CD9: variants seen among roughly 807,000 people sequenced by gnomAD.
CD9 encodes CD9 molecule, also known as CD9 antigen.
CD9 carries 10 observed loss-of-function variants against 31.4 expected under a neutral mutation model. The observed-to-expected ratio is 0.32, with a 90% CI of 0.20 to 0.54. The LOEUF (loss-of-function observed/expected upper bound fraction) is 0.54, where lower values mean the gene tolerates loss of function less well. Ranked by LOEUF, CD9 falls within the 20% of genes least tolerant of loss-of-function variation. The pLI is 0.94. For synonymous variants in CD9, 113 were observed against 114.1 expected, an observed-to-expected ratio of 0.99 and a Z score of 0.06; for missense variants, 259 against 300.1, an observed-to-expected ratio of 0.86 and a Z score of 1.01.
At position 6,232,444 on chromosome 12, in the gene CD9, G is replaced by A; in HGVS notation, c.176-188G>A. ...AGAGTCATGCAAGAGAGGCTGGTGG[G>A]AAGGAGACCTGGGGCAGAGGTGGAA... On this transcript the variant is annotated intron_variant, in intron 2 of 7. Coordinates refer to ENST00000009180, the MANE Select transcript of CD9 (RefSeq NM_001769.4). The surrounding 1 kb of genome is among the most constrained non-coding windows in gnomAD (Gnocchi z 4.8). The A allele has an allele frequency of 1.6e-6, 1 of 630,212 alleles. No individual in the cohort carries two copies. The highest frequency in any genetic ancestry group is 1.8e-5 in the South Asian group (1 of 54,972). The allele number at this position is 630,212 out of a possible 1,614,324, so 39.0% of individuals were successfully genotyped here.
chr12:6,214,777 T>TGG (rs1284987248), intron 1 of CD9, among the ~76,000 whole-genome samples: 3 of 152,138 alleles, frequency 2.0e-5, no homozygotes, highest in Non-Finnish European at 2.9e-5. Context: ...GGGGAGGTTC[T>TGG]TACCAGGAGT....
At chr12:6,206,953 C>T (rs1946139366) in intron 1 of CD9, among the ~76,000 whole-genome samples, 1 of 151,528 alleles carries the variant, frequency 6.6e-6, no homozygotes, top group East Asian at 2.0e-4. Flanking sequence ...TATAGTGGCA[C>T]CATCATAGTT....
intron 1 of CD9, among the ~76,000 whole-genome samples, chr12:6,222,249 T>G (rs2136620257): frequency 6.6e-6 from 1 of 152,310 alleles, no homozygotes; most frequent in South Asian, 2.1e-4. Flanking sequence ...ATGGTTCACA[T>G]AGCATCCCCC....
rs142192823 is a variant in CD9, at chr12:6,215,604, G to A, written c.67-9822G>A. 6.1e-3 allele frequency among the ~76,000 whole-genome samples: 935 copies of A among 152,318 alleles called. 13 individuals are homozygous for A. The highest frequency in any genetic ancestry group is 0.022 in the African/African-American group (906 of 41,560). ...AAGAATTTCTGAAGGTTTGAGCACT[G>A]CCTTCAGACAGTGGCTCGGTAGAAG... On this transcript the variant is annotated intron_variant, in intron 1 of 7. Transcript: ENST00000009180.
In CD9 at chr12:6,233,009, C is replaced by T. The variant is rs1463654768; in HGVS notation, c.273+280C>T. The T allele has an allele frequency of 8.5e-6, 6 of 702,298 alleles. No individual in the cohort carries two copies. In the East Asian group the frequency reaches 1.3e-4, roughly 16 times the overall value. The allele number at this position is 702,298 out of a possible 1,614,324, so 43.5% of individuals were successfully genotyped here. A position where few individuals can be genotyped will look rare whatever the true frequency, so the allele number is the denominator to read the frequency against. On this transcript the variant is annotated intron_variant, in intron 3 of 7. Transcript: ENST00000009180. ...CTTTTTTTCCCTGAATCCACAGGTA[C>T]CTTTGCCTTCTCCTTCTTGTTTCAA...
At chr12:6,206,569 G>A (rs1946135120) in intron 1 of CD9, among the ~76,000 whole-genome samples, 2 of 152,132 alleles carry the variant, frequency 1.3e-5, no homozygotes, top group Non-Finnish European at 2.9e-5. Context: ...CAGATTACTT[G>A]CCTGTTTTAT....
chr12:6,201,845 T>G (rs1946081422), intron 1 of CD9, among the ~76,000 whole-genome samples: 2 of 152,070 alleles, frequency 1.3e-5, no homozygotes, highest in Admixed American at 6.5e-5. Flanking sequence ...AAGACCAGCC[T>G]GGGTAACATA....
At chr12:6,220,787 T>G (rs549225043) in intron 1 of CD9, among the ~76,000 whole-genome samples, 1 of 152,234 alleles carries the variant, frequency 6.6e-6, no homozygotes, top group South Asian at 2.1e-4. Context: ...GAGAATTCCC[T>G]CATCCTCCTC....
intron 1 of CD9, among the ~76,000 whole-genome samples, chr12:6,204,502 T>A (rs1040717533): frequency 1.3e-5 from 2 of 152,176 alleles, no homozygotes; most frequent in African/African-American, 4.8e-5. Flanking sequence ...GCCCAGCTGG[T>A]GCTTTTCTTT....
At chr12:6,206,326 G>A (rs796612716) in intron 1 of CD9, among the ~76,000 whole-genome samples, 1 of 151,704 alleles carries the variant, frequency 6.6e-6, no homozygotes, top group Admixed American at 6.6e-5. Context: ...CAGCTCAGGC[G>A]ATCCTCACAC....
intron 1 of CD9, among the ~76,000 whole-genome samples, chr12:6,210,442 A>G (rs1414517830): frequency 6.6e-6 from 1 of 152,134 alleles, no homozygotes; most frequent in Non-Finnish European, 1.5e-5. Flanking sequence ...CAGGGAGAGG[A>G]AGCACCGGCT....
chr12:6,216,666 C>T, intron 1 of CD9, among the ~76,000 whole-genome samples: 1 of 152,192 alleles, frequency 6.6e-6, no homozygotes, highest in East Asian at 1.9e-4. Flanking sequence ...CTTAGTGGAG[C>T]TCTGGATGGC....
At position 6,236,638 on chromosome 12, in the gene CD9, C is replaced by T. The variant is rs1410831306; in HGVS notation, c.621+363C>T. On this transcript the variant is annotated intron_variant, in intron 7 of 7. Coordinates refer to ENST00000009180, the MANE Select transcript of CD9 (RefSeq NM_001769.4). Reference sequence around the variant, plus strand: ...AAAGTCGTTCACTAGAGGCTACCGGCGTGGGAATTGTTCCATTTCCTGAAG... The same window carrying T: ...AAAGTCGTTCACTAGAGGCTACCGGTGTGGGAATTGTTCCATTTCCTGAAG... The T allele has an allele frequency of 2.4e-5, 10 of 420,238 alleles. No individual in the cohort carries two copies. In the South Asian group the frequency reaches 2.9e-4, roughly 12 times the overall value. 26.0% of individuals were successfully genotyped at this position (420,238 alleles called of 1,614,324 possible).
At chr12:6,219,053 T>C (rs1474860619) in intron 1 of CD9, among the ~76,000 whole-genome samples, 3 of 152,206 alleles carry the variant, frequency 2.0e-5, no homozygotes, top group Non-Finnish European at 4.4e-5. Flanking sequence ...TCACCCAGGC[T>C]GGAGTGCAGT....
In CD9 at chr12:6,232,978, C is replaced by T. The variant is rs1266279606; in HGVS notation, c.273+249C>T. 7 of 702,300 alleles carry T rather than the reference C, an allele frequency of 1.0e-5. No homozygotes were observed. Among genetic ancestry groups the T allele is most frequent in the Non-Finnish European group, 1.6e-5 (6 of 384,856 alleles). 43.5% of individuals were successfully genotyped at this position (702,300 alleles called of 1,614,324 possible). On this transcript the variant is annotated intron_variant, in intron 3 of 7. Transcript: ENST00000009180. This position sits in a 1 kb window ranked among gnomAD's most constrained non-coding sequence, Gnocchi z 4.8. ...TGTTTCCCCCTTTTCTCGAGGACCA[C>T]GTTTGCTTTTTTTCCCTGAATCCAC...
In CD9 at chr12:6,233,985, A is replaced by G. The variant is rs190073429; in HGVS notation, c.348+499A>G. ...AGACTTGGCCATCTAGTATGGGGAA[A>G]AGACATGAAATTGATAAGGGTCATA... is the stretch of plus-strand genomic sequence containing the variant. On this transcript the variant is annotated intron_variant, in intron 4 of 7. Transcript: ENST00000009180. Among the ~76,000 whole-genome samples, 717 of 148,158 alleles carry G rather than the reference A, an allele frequency of 4.8e-3. 6 individuals are homozygous for G. The highest frequency in any genetic ancestry group is 0.016 in the African/African-American group (655 of 39,800).
rs758897606 is a variant in CD9 at position 6,217,024 on chromosome 12, G to GT, written c.67-8394dup. Among the ~76,000 whole-genome samples the GT allele has an allele frequency of 4.4e-4, 67 of 152,066 alleles. No homozygotes were observed. The South Asian group carries it at 7.3e-3, about 16-fold the overall frequency. ...TTGAAGGCAGGACAGGTATCATACT[G>GT]TTTTTTTTCCACAAACGAGGACTGT... On this transcript the variant is annotated intron_variant, in intron 1 of 7. Transcript: ENST00000009180.
rs541949506 is a variant in CD9 at position 6,204,404 on chromosome 12, A to G, written c.66+3839A>G. Among the ~76,000 whole-genome samples the G allele has an allele frequency of 9.9e-5, 15 of 152,282 alleles. No homozygotes were observed. The East Asian group carries it at 2.9e-3, about 29-fold the overall frequency. ...TAAATAATAATATAATAAACAAAAT[A>G]CAAGCCCTGAATTGGAAATGGGAGA... On this transcript the variant is annotated intron_variant, in intron 1 of 7. Coordinates refer to ENST00000009180, the MANE Select transcript of CD9 (RefSeq NM_001769.4).
chr12:6,227,455 C>T (rs1002033583), intron 2 of CD9, among the ~76,000 whole-genome samples: 10 of 152,180 alleles, frequency 6.6e-5, no homozygotes, highest in African/African-American at 2.2e-4. Context: ...GTCTTGGCTT[C>T]CCGAAGTGAT....
Sources: gnomAD v4.1 joint callset for allele counts (sites outside exome capture counted in the v4.1 genomes callset) on GRCh38, gnomAD v4.1.1 for gene constraint, Gnocchi (gnomAD v3.1) non-coding constraint, MANE v1.5 for transcripts, NCBI Gene and HGNC (gene_info 2026-07-23, HGNC 2026-07-21) for gene names.